UPK1A: variants seen among roughly 807,000 people sequenced by gnomAD.
The protein encoded by UPK1A is uroplakin-1a.
In UPK1A, 31 loss-of-function variants were observed where a neutral mutation model predicts 32.3. The ratio of observed to expected loss-of-function variants is 0.96; its 90% CI spans 0.72 to 1.30. UPK1A has a LOEUF of 1.30. UPK1A is among the 50% of genes most tolerant of loss of function. UPK1A has a pLI of 0.00. For missense variants in UPK1A, 340 were observed against 357.4 expected (o/e 0.95, Z 0.39); for synonymous variants, 135 against 137.1 (o/e 0.98, Z 0.11).
intron 6 of UPK1A, among the ~76,000 whole-genome samples, chr19:35,677,532 CAAAA>C (rs56715648): frequency 8.1e-6 from 1 of 123,100 alleles, no homozygotes; most frequent in Non-Finnish European, 1.8e-5. Context: ...AGACTGTCTC[CAAAA>C]AAAAAAAAAA....
At chr19:35,677,113 A>G (rs1365356730) in intron 6 of UPK1A, among the ~76,000 whole-genome samples, 2 of 151,888 alleles carry the variant, frequency 1.3e-5, no homozygotes, top group Non-Finnish European at 2.9e-5. Context: ...AATCCCAGCT[A>G]CTGGGGAGGC....
At chr19:35,671,574 C>T (rs1968101642) in intron 3 of UPK1A, among the ~76,000 whole-genome samples, 1 of 146,986 alleles carries the variant, frequency 6.8e-6, no homozygotes, top group Non-Finnish European at 1.5e-5. Context: ...TCTCCTGCCT[C>T]AGCCTCCCGA....
chr19:35,667,499 ATT>A lies in UPK1A; in HGVS notation c.84+614_84+615del, dbSNP rs71857838. 8.1e-3 allele frequency among the ~76,000 whole-genome samples: 1,158 copies of A among 143,328 alleles called. 14 individuals carry two copies. Among genetic ancestry groups the A allele is most frequent in the African/African-American group, 0.029 (1,130 of 39,236 alleles). 94.0% of individuals were successfully genotyped at this position (143,328 alleles called of 152,430 possible). On this transcript the variant is annotated intron_variant, in intron 2 of 7. Coordinates refer to ENST00000617999, the Ensembl canonical transcript of UPK1A. ...AGGCGCACACCACCACGCCCGGCTA[ATT>A]TTTTTTTTTTCAGACAGATTCTCCC...
chr19:35,668,810 C>A, intron 3 of UPK1A, 156 bp downstream of exon 3: 1 of 845,018 alleles, frequency 1.2e-6, no homozygotes, highest in Non-Finnish European at 1.8e-6. Context: ...TCCCACAGCC[C>A]AATAACCCAG....
intron 1 of UPK1A, 87 bp downstream of exon 1, chr19:35,666,625 C>G: frequency 1.7e-6 from 1 of 594,844 alleles, no homozygotes; most frequent in South Asian, 2.0e-5. Flanking sequence ...CCAGTGACTG[C>G]CCCACCGGAG....
chr19:35,673,809 T>C (rs1968140732), intron 5 of UPK1A, among the ~76,000 whole-genome samples: 1 of 152,192 alleles, frequency 6.6e-6, no homozygotes, highest in South Asian at 2.1e-4. Flanking sequence ...CTGACCTCCC[T>C]GCTCTTAGCC....
At chr19:35,668,380 A>G (rs752752314) in intron 2 of UPK1A, 74 bp from the exon 3 acceptor site, 15 of 1,577,010 alleles carry the variant, frequency 9.5e-6, no homozygotes, top group Non-Finnish European at 1.2e-5. Context: ...TGGGGAGGGA[A>G]CTTGCTCGTG....
At chr19:35,672,639 C>T (rs1016371659) in intron 3 of UPK1A, among the ~76,000 whole-genome samples, 1 of 152,200 alleles carries the variant, frequency 6.6e-6, no homozygotes, top group Non-Finnish European at 1.5e-5. Flanking sequence ...GCGATCATAG[C>T]TCGCTGAGGC....
exon 3 of UPK1A, chr19:35,668,573 C>A (rs1968037126): frequency 1.2e-6 from 2 of 1,614,168 alleles, no homozygotes; most frequent in African/African-American, 1.3e-5. Flanking sequence ...GGATTGCCAT[C>A]TTCTGCGGCT....
chr19:35,674,198 A>C (rs1233420212), intron 5 of UPK1A, among the ~76,000 whole-genome samples: 1 of 147,652 alleles, frequency 6.8e-6, no homozygotes, highest in African/African-American at 2.5e-5. Context: ...GGCATGAGCC[A>C]CGAGTGCCTG....
intron 3 of UPK1A, among the ~76,000 whole-genome samples, chr19:35,672,742 T>A (rs1046081637): frequency 6.6e-6 from 1 of 152,150 alleles, no homozygotes; most frequent in African/African-American, 2.4e-5. Context: ...CTTAACTAAT[T>A]TTTTTATTTT....
At chr19:35,673,588 T>A in intron 5 of UPK1A, 43 bp downstream of exon 5, 1 of 1,576,394 alleles carries the variant, frequency 6.3e-7, no homozygotes, top group East Asian at 2.2e-5. Flanking sequence ...CTGGGCTCCG[T>A]CCACAGAGGC....
chr19:35,669,058 C>T lies in UPK1A; in HGVS notation c.285+404C>T, dbSNP rs182662829. Among the ~76,000 whole-genome samples the T allele has an allele frequency of 3.5e-4, 53 of 152,168 alleles. 1 individual carries two copies. The highest frequency in any genetic ancestry group is 1.2e-3 in the African/African-American group (50 of 41,540). ...TGCTCATGAACTCTGCCAATAATAG[C>T]ACAGCTACCATTTAATAATGGTTTA... On this transcript the variant is annotated intron_variant, in intron 3 of 7. Coordinates refer to ENST00000617999, the Ensembl canonical transcript of UPK1A.
intron 3 of UPK1A, among the ~76,000 whole-genome samples, chr19:35,670,966 C>G (rs529374292): frequency 7.9e-5 from 12 of 152,138 alleles, no homozygotes; most frequent in Admixed American, 7.9e-4. Context: ...CCTCCCACCT[C>G]AGCCTCCCAA....
At position 35,666,563 on chromosome 19, in the gene UPK1A, GGGTAT is replaced by G. The variant is rs931349049; in HGVS notation, c.-5+28_-5+32del. The G allele has an allele frequency of 2.7e-5, 14 of 521,106 alleles. No homozygotes were observed. In the African/African-American group the frequency reaches 2.7e-4, roughly 10 times the overall value. The allele number at this position is 521,106 out of a possible 1,614,324, so 32.3% of individuals were successfully genotyped here. On this transcript the variant is annotated intron_variant, in intron 1 of 7. Coordinates refer to ENST00000617999, the Ensembl canonical transcript of UPK1A. ...GGTGAGGAGGGGGCCCTGGGAGTCT[GGGTAT>G]GGCATGAGGGGTCTGAGGCTCAGGG...
chr19:35,673,828 C>T (rs1968141040), intron 5 of UPK1A, among the ~76,000 whole-genome samples: 1 of 152,188 alleles, frequency 6.6e-6, no homozygotes, highest in African/African-American at 2.4e-5. Context: ...CCTACACATA[C>T]TACCTCAACA....
intron 2 of UPK1A, chr19:35,668,032 C>T (rs1968024495): frequency 3.9e-6 from 1 of 258,774 alleles, no homozygotes; most frequent in Admixed American, 5.0e-5. Flanking sequence ...AAGCAATCCT[C>T]CCGCCTCGGC....
chr19:35,668,729 A>G (rs773245115), intron 3 of UPK1A, 75 bp downstream of exon 3: 5 of 1,468,042 alleles, frequency 3.4e-6, no homozygotes, highest in Non-Finnish European at 4.6e-6. Context: ...TAGCAGGTGC[A>G]GCCCCAGCCA....
chr19:35,674,025 G>GTA (rs1820681899), intron 5 of UPK1A, among the ~76,000 whole-genome samples: 1 of 150,996 alleles, frequency 6.6e-6, no homozygotes, highest in South Asian at 2.1e-4. Flanking sequence ...AGCTTCCCGA[G>GTA]TAGCTGGGAA....
Sources: allele counts gnomAD v4.1 joint callset (sites outside exome capture counted in the v4.1 genomes callset), GRCh38; gene constraint gnomAD v4.1.1; transcripts MANE v1.5; gene names NCBI Gene and HGNC (gene_info 2026-07-23, HGNC 2026-07-21).